NLGN1: variants seen among roughly 807,000 people sequenced by gnomAD.
NLGN1 encodes the protein neuroligin-1.
In NLGN1, 12 loss-of-function variants were observed where a neutral mutation model predicts 65.5. That is an observed-to-expected ratio of 0.18 (90% confidence interval 0.12 to 0.30). The LOEUF is 0.30. Ranked by LOEUF, NLGN1 falls within the 10% of genes least tolerant of loss-of-function variation. NLGN1 has a pLI of 1.00. For missense variants in NLGN1, 750 were observed against 1,007.1 expected, an observed-to-expected ratio of 0.74 and a Z score of 3.46; for synonymous variants, 350 against 359.5, an observed-to-expected ratio of 0.97 and a Z score of 0.30.
chr3:173,507,444 C>T (rs1026716941), intron 2 of NLGN1, among the ~76,000 whole-genome samples: 2 of 152,044 alleles, frequency 1.3e-5, no homozygotes, highest in African/African-American at 4.8e-5. Context: ...ATGGTCATTA[C>T]TAATGCCCAA....
At chr3:174,230,061 C>G (rs979733730) in intron 4 of NLGN1, among the ~76,000 whole-genome samples, 1 of 152,094 alleles carries the variant, frequency 6.6e-6, no homozygotes, top group African/African-American at 2.4e-5. Context: ...GGGAAATTTC[C>G]TACAAGTGAA....
intron 3 of NLGN1, among the ~76,000 whole-genome samples, chr3:173,747,197 T>A (rs962008320): frequency 1.5e-5 from 2 of 134,780 alleles, no homozygotes; most frequent in Non-Finnish European, 3.1e-5. Context: ...AATATATATA[T>A]AATATATATA....
chr3:173,540,146 G>A (rs998654343), intron 2 of NLGN1, among the ~76,000 whole-genome samples: 3 of 151,930 alleles, frequency 2.0e-5, no homozygotes. Flanking sequence ...AGGATGGCAG[G>A]GCTTTACTCC....
intron 4 of NLGN1, among the ~76,000 whole-genome samples, chr3:174,246,178 A>G (rs1192911934): frequency 6.6e-6 from 1 of 152,242 alleles, no homozygotes; most frequent in Non-Finnish European, 1.5e-5. Flanking sequence ...GAAAGCAGAA[A>G]GACTTAAAAG....
At chr3:174,226,156 A>C (rs1311379153) in intron 4 of NLGN1, among the ~76,000 whole-genome samples, 1 of 152,126 alleles carries the variant, frequency 6.6e-6, no homozygotes, top group Non-Finnish European at 1.5e-5. Context: ...GAAGTGCCTC[A>C]TCTATGAAGA....
At chr3:173,783,019 T>C (rs1781417025) in intron 3 of NLGN1, among the ~76,000 whole-genome samples, 1 of 152,090 alleles carries the variant, frequency 6.6e-6, no homozygotes, top group Non-Finnish European at 1.5e-5. Context: ...TAAATATATA[T>C]GTATAATTTA....
In NLGN1 at chr3:173,861,680, A is replaced by T. The variant is rs527645353; in HGVS notation, c.646+53848A>T. ...AAATGATTACCAATAGAACAATTTA[A>T]AATAGAAACTTTTGAAGTGTGAAGA... On this transcript the variant is annotated intron_variant, in intron 4 of 6. Transcript: ENST00000457714. Among the ~76,000 whole-genome samples the T allele has an allele frequency of 3.3e-5, 5 of 152,026 alleles. No homozygotes were observed. In the South Asian group the frequency reaches 1.0e-3, roughly 32 times the overall value.
intron 2 of NLGN1, among the ~76,000 whole-genome samples, chr3:173,472,282 TTTTG>T (rs753927080): frequency 4.5e-4 from 68 of 152,104 alleles, no homozygotes; most frequent in Non-Finnish European, 1.0e-4. Flanking sequence ...CCTCCACTTT[TTTTG>T]TTTTAGTTTT....
At chr3:174,116,494 T>C (rs1197184305) in intron 4 of NLGN1, among the ~76,000 whole-genome samples, 1 of 151,928 alleles carries the variant, frequency 6.6e-6, no homozygotes, top group Non-Finnish European at 1.5e-5. Context: ...TGTGCCACCA[T>C]GCCTGGCTAA....
chr3:173,882,134 T>C (rs137925137), intron 4 of NLGN1, among the ~76,000 whole-genome samples: 105 of 152,272 alleles, frequency 6.9e-4, no homozygotes, highest in Admixed American at 4.5e-3. Flanking sequence ...TGAAATATCT[T>C]TTTTTCTGAG....
chr3:174,021,283 T>C (rs1306296693), intron 4 of NLGN1, among the ~76,000 whole-genome samples: 2 of 152,078 alleles, frequency 1.3e-5, no homozygotes, highest in Non-Finnish European at 2.9e-5. Context: ...CCATTGATGA[T>C]ACATTCATTG....
intron 3 of NLGN1, among the ~76,000 whole-genome samples, chr3:173,752,375 C>T (rs1024563686): frequency 5.3e-5 from 8 of 152,152 alleles, no homozygotes; most frequent in Middle Eastern, 3.4e-3. Context: ...CCTTACACCT[C>T]GTCATAAGCA....
intron 3 of NLGN1, among the ~76,000 whole-genome samples, chr3:173,607,981 A>G (rs1384080989): frequency 2.0e-5 from 3 of 151,852 alleles, no homozygotes; most frequent in African/African-American, 4.8e-5. Context: ...TATTGTATTC[A>G]TGCAAAACTA....
intron 3 of NLGN1, among the ~76,000 whole-genome samples, chr3:173,797,307 C>T (rs1361068484): frequency 6.6e-6 from 1 of 152,060 alleles, no homozygotes; most frequent in Non-Finnish European, 1.5e-5. Context: ...CCCTCTTCTT[C>T]CTAGGGAACC....
At chr3:173,620,551 A>G (rs1258541429) in intron 3 of NLGN1, among the ~76,000 whole-genome samples, 1 of 152,098 alleles carries the variant, frequency 6.6e-6, no homozygotes, top group African/African-American at 2.4e-5. Flanking sequence ...TTAGAGGAGA[A>G]AAAGGGGGAA....
At chr3:173,923,886 G>A (rs1184240493) in intron 4 of NLGN1, among the ~76,000 whole-genome samples, 1 of 151,872 alleles carries the variant, frequency 6.6e-6, no homozygotes, top group Non-Finnish European at 1.5e-5. Context: ...CATGATTTTT[G>A]GCATATAACT....
At chr3:174,024,047 G>A (rs920383314) in intron 4 of NLGN1, among the ~76,000 whole-genome samples, 14 of 150,752 alleles carry the variant, frequency 9.3e-5, no homozygotes, top group South Asian at 4.2e-4. Context: ...AGAGAGAAGC[G>A]AAAGCTAGTT....
chr3:173,531,317 T>C (rs1304193149), intron 2 of NLGN1, among the ~76,000 whole-genome samples: 2 of 152,124 alleles, frequency 1.3e-5, no homozygotes, highest in Non-Finnish European at 1.5e-5. Context: ...AGAAAAATAG[T>C]GTATAAGCAA....
At chr3:173,641,057 T>G (rs1240944157) in intron 3 of NLGN1, among the ~76,000 whole-genome samples, 1 of 152,212 alleles carries the variant, frequency 6.6e-6, no homozygotes, top group Non-Finnish European at 1.5e-5. Flanking sequence ...TGAGATATTT[T>G]AAGATAGTGT....
Sources: gnomAD v4.1 joint callset for allele counts (sites outside exome capture counted in the v4.1 genomes callset) on GRCh38, gnomAD v4.1.1 for gene constraint, MANE v1.5 for transcripts, NCBI Gene and HGNC (gene_info 2026-07-23, HGNC 2026-07-21) for gene names.